The following MYO6 variants were observed in gnomAD, a reference collection of about 807,000 sequenced individuals.
MYO6 encodes the protein myosin VI, also known as unconventional myosin-VI.
Under a neutral mutation model 178.7 loss-of-function variants are expected in MYO6, and 74 were observed. The ratio of observed to expected loss-of-function variants is 0.41; its 90% confidence interval spans 0.34 to 0.50. The LOEUF (loss-of-function observed/expected upper bound fraction) is 0.50. Among genes scored for constraint, MYO6 ranks in the 20% least tolerant of loss-of-function variants. The pLI is 0.09. For synonymous variants in MYO6, 477 were observed against 504.6 expected (o/e 0.95, Z 0.73); for missense variants, 1,330 against 1,547.4 (o/e 0.86, Z 2.36).
intron 3 of MYO6, among the ~76,000 whole-genome samples, chr6:75,823,552 C>T (rs1293438825): frequency 6.6e-6 from 1 of 152,044 alleles, no homozygotes; most frequent in Admixed American, 6.6e-5. Flanking sequence ...GTACAGTTGT[C>T]AAGGTACCTA....
intron 1 of MYO6, among the ~76,000 whole-genome samples, chr6:75,757,283 AAT>A (rs1300759312): frequency 5.4e-5 from 8 of 148,652 alleles, no homozygotes; most frequent in Admixed American, 1.3e-4. Flanking sequence ...ACATATACAC[AAT>A]ATATGTGTGT....
At chr6:75,781,530 G>C (rs1766978555) in intron 1 of MYO6, among the ~76,000 whole-genome samples, 1 of 152,162 alleles carries the variant, frequency 6.6e-6, no homozygotes, top group Admixed American at 6.6e-5. Context: ...GAGTTGACAC[G>C]TTGATCTCTG....
chr6:75,845,568 C>T (rs1234575416), intron 10 of MYO6, among the ~76,000 whole-genome samples: 2 of 151,864 alleles, frequency 1.3e-5, no homozygotes, highest in East Asian at 1.9e-4. Flanking sequence ...GTCGTGTATG[C>T]CTATAGTTCT....
intron 1 of MYO6, among the ~76,000 whole-genome samples, chr6:75,804,992 T>TACAC (rs1277901885): frequency 8.4e-6 from 1 of 118,862 alleles, no homozygotes; most frequent in African/African-American, 3.5e-5. Flanking sequence ...CATATATATA[T>TACAC]ACACACACAC....
intron 3 of MYO6, among the ~76,000 whole-genome samples, chr6:75,824,728 T>C (rs1340229779): frequency 6.6e-6 from 1 of 152,040 alleles, no homozygotes; most frequent in Non-Finnish European, 1.5e-5. Flanking sequence ...GCCTTAACAG[T>C]GTAGCAACAC....
At chr6:75,832,818 A>G (rs752991210) in intron 5 of MYO6, 24 bp from the exon 6 acceptor site, 1 of 1,413,446 alleles carries the variant, frequency 7.1e-7, no homozygotes. Context: ...ATTGCTCATC[A>G]TTAATGTCTT....
At chr6:75,782,840 T>C (rs1767122715) in intron 1 of MYO6, among the ~76,000 whole-genome samples, 1 of 152,280 alleles carries the variant, frequency 6.6e-6, no homozygotes, top group South Asian at 2.1e-4. Flanking sequence ...TGAAATTTAC[T>C]TGTTGCAAAT....
At chr6:75,839,409 C>T (rs1047240398) in intron 7 of MYO6, among the ~76,000 whole-genome samples, 2 of 152,058 alleles carry the variant, frequency 1.3e-5, no homozygotes, top group African/African-American at 2.4e-5. Flanking sequence ...AGGATGGTCT[C>T]GATCTTCAGC....
At chr6:75,868,976 G>T (rs984570813) in intron 18 of MYO6, among the ~76,000 whole-genome samples, 5 of 151,674 alleles carry the variant, frequency 3.3e-5, no homozygotes, top group Non-Finnish European at 5.9e-5. Context: ...AAGCCTTATG[G>T]TCCTTGGCTG....
At position 75,913,958 on chromosome 6, in the gene MYO6, G is replaced by T. The variant is rs1193423721; in HGVS notation, c.3440-105G>T. 80 of 878,068 alleles carry T rather than the reference G, an allele frequency of 9.1e-5. No homozygotes were observed. The Admixed American group carries it at 2.0e-3, about 22-fold the overall frequency. 54.4% of individuals were successfully genotyped at this position (878,068 alleles called of 1,614,324 possible). On this transcript the variant is annotated intron_variant, in intron 33 of 34. Coordinates refer to ENST00000369977, the MANE Select transcript of MYO6 (RefSeq NM_004999.4). ...CATTTTGTTTTAAATTTACTATTAG[G>T]GACCTTTCTTCTTTTTAAAAAATTA... is the stretch of plus-strand genomic sequence containing the variant.
intron 1 of MYO6, among the ~76,000 whole-genome samples, chr6:75,803,690 C>G (rs1270687528): frequency 2.0e-5 from 3 of 151,960 alleles, no homozygotes; most frequent in Non-Finnish European, 2.9e-5. Flanking sequence ...ATATTTTCTT[C>G]TTTGTCCCGA....
At chr6:75,775,947 C>CATGGAATGT (rs1199125718) in intron 1 of MYO6, among the ~76,000 whole-genome samples, 4 of 152,056 alleles carry the variant, frequency 2.6e-5, no homozygotes, top group South Asian at 2.1e-4. Context: ...GAATGTGTAG[C>CATGGAATGT]GTATCATTTC....
At chr6:75,808,823 G>A (rs1770373734) in intron 1 of MYO6, among the ~76,000 whole-genome samples, 1 of 152,192 alleles carries the variant, frequency 6.6e-6, no homozygotes, top group African/African-American at 2.4e-5. Context: ...ATTAATTTCT[G>A]TAAGATGTAC....
At chr6:75,902,937 G>A (rs1470828167) in intron 30 of MYO6, among the ~76,000 whole-genome samples, 27 of 151,638 alleles carry the variant, frequency 1.8e-4, no homozygotes, top group African/African-American at 5.6e-4. Context: ...CTTTGTTCTC[G>A]TTGGTTTCAA....
At chr6:75,801,072 T>C (rs1400117031) in intron 1 of MYO6, among the ~76,000 whole-genome samples, 2 of 152,152 alleles carry the variant, frequency 1.3e-5, no homozygotes, top group Non-Finnish European at 2.9e-5. Flanking sequence ...TGATTAGCCA[T>C]ATGGATAATG....
intron 7 of MYO6, among the ~76,000 whole-genome samples, 169 bp from the exon 8 acceptor site, chr6:75,840,416 C>G (rs1259393980): frequency 6.6e-6 from 1 of 152,124 alleles, no homozygotes; most frequent in East Asian, 1.9e-4. Flanking sequence ...CTGCCTCGGC[C>G]TCCCAAAGTG....
At chr6:75,812,392 A>G (rs922381202) in intron 1 of MYO6, among the ~76,000 whole-genome samples, 1 of 152,204 alleles carries the variant, frequency 6.6e-6, no homozygotes, top group Non-Finnish European at 1.5e-5. Context: ...ACAGTGTGCC[A>G]TAATCACATT....
intron 1 of MYO6, among the ~76,000 whole-genome samples, chr6:75,750,799 C>G (rs1776821375): frequency 6.6e-6 from 1 of 151,128 alleles, no homozygotes; most frequent in Non-Finnish European, 1.5e-5. Context: ...AGGCTGGTCT[C>G]GAACTCCTGA....
intron 30 of MYO6, among the ~76,000 whole-genome samples, chr6:75,904,283 A>T (rs1272881083): frequency 2.0e-5 from 3 of 150,108 alleles, no homozygotes; most frequent in Non-Finnish European, 1.5e-5. Flanking sequence ...CTGCCTTGCT[A>T]GATTGGGTAA....
Sources: gnomAD v4.1 joint callset for allele counts (sites outside exome capture counted in the v4.1 genomes callset) on GRCh38, gnomAD v4.1.1 for gene constraint, MANE v1.5 for transcripts, NCBI Gene and HGNC (gene_info 2026-07-23, HGNC 2026-07-21) for gene names.